VTI1A: variants seen among roughly 807,000 people sequenced by gnomAD.
The protein encoded by VTI1A is vesicle transport through interaction with t-SNAREs homolog 1A.
VTI1A carries 22 observed loss-of-function variants against 34.9 expected under a neutral mutation model. The ratio of observed to expected loss-of-function variants is 0.63; its 90% CI spans 0.45 to 0.90. VTI1A has a LOEUF of 0.90. VTI1A is among the 40% of genes least tolerant of loss of function. VTI1A has a pLI of 0.00. For missense variants in VTI1A, 268 were observed against 275.6 expected (o/e 0.97, Z 0.20); for synonymous variants, 87 against 97.3 (o/e 0.89, Z 0.62).
chr10:112,665,158 A>G (rs1847596348), intron 5 of VTI1A, among the ~76,000 whole-genome samples: 1 of 152,192 alleles, frequency 6.6e-6, no homozygotes. Context: ...CAGTTAAATT[A>G]TTCAAGAAAA....
chr10:112,512,798 C>G (rs1001219111), intron 3 of VTI1A, among the ~76,000 whole-genome samples: 1 of 152,048 alleles, frequency 6.6e-6, no homozygotes, highest in African/African-American at 2.4e-5. Flanking sequence ...TATTGAAGAG[C>G]AAGTCCTTTC....
chr10:112,516,996 T>A (rs1184748208), intron 3 of VTI1A, among the ~76,000 whole-genome samples: 1 of 152,072 alleles, frequency 6.6e-6, no homozygotes, highest in Non-Finnish European at 1.5e-5. Context: ...GCAGAAAACA[T>A]CTTTGCCAGC....
chr10:112,594,003 G>T (rs868009792), intron 5 of VTI1A, among the ~76,000 whole-genome samples: 1 of 152,124 alleles, frequency 6.6e-6, no homozygotes, highest in African/African-American at 2.4e-5. Context: ...TCTGTCTCCC[G>T]GGTTCCCGCC....
intron 3 of VTI1A, among the ~76,000 whole-genome samples, chr10:112,510,645 C>T (rs1284479357): frequency 6.6e-6 from 1 of 151,866 alleles, no homozygotes; most frequent in South Asian, 2.1e-4. Flanking sequence ...AAAAAACCAC[C>T]ACCACCACCA....
chr10:112,551,272 T>G (rs1016732591), intron 5 of VTI1A, among the ~76,000 whole-genome samples: 36 of 144,308 alleles, frequency 2.5e-4, no homozygotes, highest in Non-Finnish European at 1.1e-4. Context: ...AAAAAAAACC[T>G]TCACAATGGA....
intron 3 of VTI1A, among the ~76,000 whole-genome samples, chr10:112,468,159 C>T (rs966191192): frequency 1.8e-4 from 27 of 152,076 alleles, no homozygotes; most frequent in Middle Eastern, 3.2e-3. Context: ...CATTGTAGGC[C>T]GTGGTAAAGA....
At chr10:112,829,814 T>C in the VTI1A span, among the ~76,000 whole-genome samples, 1 of 152,166 alleles carries the variant, frequency 6.6e-6, no homozygotes, top group South Asian at 2.1e-4. Context: ...AAATGATAAA[T>C]GCTGTGATGA....
rs75218979 is a variant in VTI1A, at chr10:112,657,036, G to A, written c.428-11182G>A. ...TGTAAGCCATGCCCGCCCACCCTTCGCTTTCCGTCATGACTGAAAGCTCCC... is the reference window on the plus strand; with the variant it reads ...TGTAAGCCATGCCCGCCCACCCTTCACTTTCCGTCATGACTGAAAGCTCCC... On this transcript the variant is annotated intron_variant, in intron 5 of 7. Transcript: ENST00000393077. Among the ~76,000 whole-genome samples, 1,157 of 152,112 alleles carry A rather than the reference G, an allele frequency of 7.6e-3. 16 individuals are homozygous for A. The highest frequency in any genetic ancestry group is 0.027 in the African/African-American group (1,107 of 41,482).
Position 112,785,135 on chromosome 10 carries a change from C to A in VTI1A, c.561-30155C>A, listed in dbSNP as rs554786896. On this transcript the variant is annotated intron_variant, in intron 7 of 7. Transcript: ENST00000393077. ...ATAAGCACAGCCAGTAATGTTTTCC[C>A]ACACATGCCAGTGGTGTAGCTGAGC... Among the ~76,000 whole-genome samples the A allele has an allele frequency of 2.6e-5, 4 of 152,320 alleles. No homozygotes were observed. In the East Asian group the frequency reaches 7.7e-4, roughly 29 times the overall value.
intron 5 of VTI1A, among the ~76,000 whole-genome samples, chr10:112,606,094 G>C (rs531336749): frequency 6.7e-6 from 1 of 149,056 alleles, no homozygotes; most frequent in Admixed American, 6.7e-5. Flanking sequence ...GCGTGATCTC[G>C]GCTCACCACA....
At chr10:112,548,773 A>G in intron 5 of VTI1A, 4 of 1,482,908 alleles carry the variant, frequency 2.7e-6, no homozygotes, top group Non-Finnish European at 3.6e-6. Flanking sequence ...GAAGCTCTCG[A>G]CACACATGGG....
At position 112,484,691 on chromosome 10, in the gene VTI1A, T is replaced by C. The variant is rs575477875; in HGVS notation, c.264+20034T>C. ...TCATCTATTTTTTGTAGTTTTGAAGTATTTAACAGATGCTGTACATAGTAG... is the reference window on the plus strand; with the variant it reads ...TCATCTATTTTTTGTAGTTTTGAAGCATTTAACAGATGCTGTACATAGTAG... On this transcript the variant is annotated intron_variant, in intron 3 of 7. Transcript: ENST00000393077. Among the ~76,000 whole-genome samples, 246 of 152,252 alleles carry C rather than the reference T, an allele frequency of 1.6e-3. 1 individual carries two copies. The highest frequency in any genetic ancestry group is 5.6e-3 in the African/African-American group (231 of 41,528).
chr10:112,592,733 C>T (rs750700594), intron 5 of VTI1A, among the ~76,000 whole-genome samples: 1 of 152,164 alleles, frequency 6.6e-6, no homozygotes, highest in Non-Finnish European at 1.5e-5. Context: ...ACAAGGTGCC[C>T]ATATACATTT....
At chr10:112,748,695 G>C (rs1375092579) in intron 7 of VTI1A, among the ~76,000 whole-genome samples, 1 of 139,872 alleles carries the variant, frequency 7.1e-6, no homozygotes, top group African/African-American at 2.8e-5. Context: ...GCGCGATCTC[G>C]GCTCACTGCA....
intron 5 of VTI1A, among the ~76,000 whole-genome samples, chr10:112,578,595 A>G (rs947545435): frequency 1.3e-5 from 2 of 152,180 alleles, no homozygotes; most frequent in South Asian, 4.1e-4. Flanking sequence ...ATTTAAATCT[A>G]TATATTTCAA....
chr10:112,490,743 A>G (rs1174187785), intron 3 of VTI1A, among the ~76,000 whole-genome samples: 2 of 151,848 alleles, frequency 1.3e-5, no homozygotes, highest in Non-Finnish European at 2.9e-5. Flanking sequence ...GAGTATCAAC[A>G]TTGTATGCTT....
At chr10:112,730,600 TC>T (rs2133956882) in intron 7 of VTI1A, among the ~76,000 whole-genome samples, 1 of 152,230 alleles carries the variant, frequency 6.6e-6, no homozygotes, top group Non-Finnish European at 1.5e-5. Flanking sequence ...TTTCCCCCTT[TC>T]CTTCCTGTTC....
At chr10:112,798,606 C>G (rs1852758644) in intron 7 of VTI1A, among the ~76,000 whole-genome samples, 1 of 152,162 alleles carries the variant, frequency 6.6e-6, no homozygotes, top group Non-Finnish European at 1.5e-5. Flanking sequence ...AGAGAGTGAT[C>G]AAAGGCCACA....
In VTI1A at chr10:112,687,218, A is replaced by ATTTT. The variant is rs1564883856; in HGVS notation, c.560+18220_560+18221insTTTT. 6.7e-4 allele frequency among the ~76,000 whole-genome samples: 83 copies of ATTTT among 124,218 alleles called. 2 individuals carry two copies. The highest frequency in any genetic ancestry group is 2.4e-3 in the African/African-American group (77 of 31,984). The allele number at this position is 124,218 out of a possible 152,430, so 81.5% of individuals were successfully genotyped here. On this transcript the variant is annotated intron_variant, in intron 7 of 7. Transcript: ENST00000393077. ...ACAAAACAGGCCTAGGCATACTACAACTTTTTTTTTTTTTTTTTTTTTTTT... is the reference window on the plus strand; with the variant it reads ...ACAAAACAGGCCTAGGCATACTACAATTTTCTTTTTTTTTTTTTTTTTTTTTTTT...
Sources: allele counts gnomAD v4.1 joint callset (sites outside exome capture counted in the v4.1 genomes callset), GRCh38; gene constraint gnomAD v4.1.1; transcripts MANE v1.5; gene names NCBI Gene and HGNC (gene_info 2026-07-23, HGNC 2026-07-21).